The following LRP12 variants were observed in gnomAD, a reference collection of about 807,000 sequenced individuals.
LRP12 encodes the protein low-density lipoprotein receptor-related protein 12.
In LRP12, 14 loss-of-function variants were observed where a neutral mutation model predicts 66.0. The ratio of observed to expected loss-of-function variants is 0.21; its 90% confidence interval spans 0.14 to 0.33. The LOEUF (loss-of-function observed/expected upper bound fraction) is 0.33, where lower values mean the gene tolerates loss of function less well. LRP12 is among the 10% of genes least tolerant of loss of function. The probability of loss-of-function intolerance (pLI) is 1.00; values close to 1 mark genes in which losing one functional copy is unlikely to be tolerated. For missense variants in LRP12, 889 were observed against 1,053.4 expected (o/e 0.84, Z 2.16); for synonymous variants, 357 against 359.1 (o/e 0.99, Z 0.07).
intron 2 of LRP12, among the ~76,000 whole-genome samples, chr8:104,531,100 CCAAA>C: frequency 6.6e-6 from 1 of 151,954 alleles, no homozygotes; most frequent in South Asian, 2.1e-4. Flanking sequence ...GAAAAAAGAA[CCAAA>C]CAAATTACAA....
chr8:104,554,606 G>A (rs763228437), intron 1 of LRP12, among the ~76,000 whole-genome samples: 16 of 151,972 alleles, frequency 1.1e-4, no homozygotes, highest in Non-Finnish European at 2.4e-4. Flanking sequence ...AATGAACAAA[G>A]ACTCCAAGAA....
At chr8:104,566,358 GA>G in intron 1 of LRP12, 3 of 258,974 alleles carry the variant, frequency 1.2e-5, no homozygotes, top group South Asian at 6.4e-5. Context: ...GTCTGGTGAG[GA>G]AAATGACGCA....
intron 3 of LRP12, chr8:104,508,037 A>C (rs1810934542): frequency 6.6e-6 from 1 of 152,224 alleles, no homozygotes; most frequent in African/African-American, 2.4e-5. Flanking sequence ...CTAAAATTCT[A>C]TGCCTCCTAC....
chr8:104,551,481 T>C (rs892472536), intron 1 of LRP12, among the ~76,000 whole-genome samples: 1 of 152,130 alleles, frequency 6.6e-6, no homozygotes, highest in Non-Finnish European at 1.5e-5. Flanking sequence ...ATAGTGAGCA[T>C]AGTACCCAAC....
chr8:104,546,107 T>C (rs1451856170), intron 1 of LRP12, among the ~76,000 whole-genome samples: 1 of 152,162 alleles, frequency 6.6e-6, no homozygotes, highest in African/African-American at 2.4e-5. Context: ...ACTGTGGGGC[T>C]TGTAACTGGG....
intron 1 of LRP12, among the ~76,000 whole-genome samples, chr8:104,565,363 A>G (rs1811981628): frequency 6.6e-6 from 1 of 152,208 alleles, no homozygotes; most frequent in Non-Finnish European, 1.5e-5. Flanking sequence ...CCAAATAGAA[A>G]TAGGAAATTA....
chr8:104,493,621 G>GT (rs1388683311), intron 6 of LRP12, among the ~76,000 whole-genome samples: 7 of 152,330 alleles, frequency 4.6e-5, no homozygotes, highest in Middle Eastern at 3.4e-3. Context: ...CACACCAACA[G>GT]TGTCATGTAG....
chr8:104,564,076 A>AG (rs1366721527), intron 1 of LRP12, among the ~76,000 whole-genome samples: 1 of 152,164 alleles, frequency 6.6e-6, no homozygotes, highest in African/African-American at 2.4e-5. Flanking sequence ...ATACTATACT[A>AG]TATTGTAACT....
chr8:104,552,435 C>T (rs549085717), intron 1 of LRP12, among the ~76,000 whole-genome samples: 3 of 151,096 alleles, frequency 2.0e-5, no homozygotes, highest in Middle Eastern at 3.2e-3. Flanking sequence ...TTTGGGAGGC[C>T]GAGGCGGGCA....
intron 1 of LRP12, among the ~76,000 whole-genome samples, chr8:104,562,735 G>C (rs905883965): frequency 6.6e-6 from 1 of 152,010 alleles, no homozygotes; most frequent in Non-Finnish European, 1.5e-5. Flanking sequence ...CCATCTACTG[G>C]AGATGGGAGA....
At chr8:104,523,347 G>A (rs1198078559) in intron 2 of LRP12, among the ~76,000 whole-genome samples, 1 of 152,094 alleles carries the variant, frequency 6.6e-6, no homozygotes, top group East Asian at 1.9e-4. Context: ...ATTATAAAGA[G>A]TTAGAATTTA....
At chr8:104,523,108 T>C (rs1008166413) in intron 2 of LRP12, among the ~76,000 whole-genome samples, 1 of 152,148 alleles carries the variant, frequency 6.6e-6, no homozygotes, top group Admixed American at 6.5e-5. Context: ...AGGCTAGATA[T>C]ACAGTTGACC....
At chr8:104,498,138 AC>A in intron 4 of LRP12, 62 bp from the exon 5 acceptor site, 2 of 1,396,186 alleles carry the variant, frequency 1.4e-6, no homozygotes, top group Non-Finnish European at 1.9e-6. Flanking sequence ...TCTTTAAAAG[AC>A]ATAAAACAGC....
Position 104,585,496 on chromosome 8 carries a change from G to A in LRP12, c.79+3323C>T, listed in dbSNP as rs1302589843. 2.0e-5 allele frequency among the ~76,000 whole-genome samples: 3 copies of A among 152,190 alleles called. 1 individual carries two copies. Among genetic ancestry groups the A allele is most frequent in the Non-Finnish European group, 2.9e-5 (2 of 68,032 alleles). ...CCGCCTCAGCCTCCCAAAGTGCTGG[G>A]ATTACAGGCTTGAGTCACCACGCCT... On this transcript the variant is annotated intron_variant, in intron 1 of 6. Transcript: ENST00000276654.
rs1812389510 is a variant in LRP12, at chr8:104,588,976, C to CCGCCGCCGCCGCCGCCGA, written c.-80_-79insTCGGCGGCGGCGGCGGCG. 1 of 648,284 alleles carries CCGCCGCCGCCGCCGCCGA rather than the reference C, an allele frequency of 1.5e-6. No individual in the cohort carries two copies. Among genetic ancestry groups the CCGCCGCCGCCGCCGCCGA allele is most frequent in the African/African-American group, 2.5e-5 (1 of 40,426 alleles). 40.2% of individuals were successfully genotyped at this position (648,284 alleles called of 1,614,324 possible). The stretch of plus-strand genomic sequence containing the variant: ...CTGGAGGTAGACGACGCCGACGCCG[C>CCGCCGCCGCCGCCGCCGA]CGCCGCCGCCGCCGCCGCCGCCGAG... On this transcript the variant is annotated 5_prime_UTR_variant, in exon 1 of 7. Coordinates refer to ENST00000276654, the MANE Select transcript of LRP12 (RefSeq NM_013437.5).
At chr8:104,520,780 C>T (rs1263134487) in intron 2 of LRP12, among the ~76,000 whole-genome samples, 3 of 152,088 alleles carry the variant, frequency 2.0e-5, no homozygotes, top group African/African-American at 7.2e-5. Context: ...AACAGTTTCA[C>T]AGTACATCCA....
intron 2 of LRP12, 76 bp downstream of exon 2, chr8:104,531,831 G>T: frequency 3.2e-6 from 3 of 930,506 alleles, no homozygotes; most frequent in South Asian, 1.5e-5. Flanking sequence ...ATATCACTTC[G>T]TAAGATACCA....
At chr8:104,584,024 A>G (rs1310664141) in intron 1 of LRP12, among the ~76,000 whole-genome samples, 1 of 152,090 alleles carries the variant, frequency 6.6e-6, no homozygotes, top group Non-Finnish European at 1.5e-5. Context: ...AGACTCTGAT[A>G]ACATGTATTT....
At chr8:104,567,786 C>G (rs12678904) in intron 1 of LRP12, among the ~76,000 whole-genome samples, 20,087 of 151,980 alleles carry the variant, frequency 0.13, 1,879 homozygotes, top group African/African-American at 0.27. Context: ...CTACATGAAT[C>G]AAAAGACATA....
Sources: gnomAD v4.1 joint callset for allele counts (sites outside exome capture counted in the v4.1 genomes callset) on GRCh38, gnomAD v4.1.1 for gene constraint, MANE v1.5 for transcripts, NCBI Gene and HGNC (gene_info 2026-07-23, HGNC 2026-07-21) for gene names.